The following SUGCT variants were observed in gnomAD, a reference collection of about 807,000 sequenced individuals.
The protein encoded by SUGCT is succinyl-CoA:glutarate CoA-transferase.
SUGCT carries 41 observed loss-of-function variants against 55.0 expected under a neutral mutation model. The ratio of observed to expected loss-of-function variants is 0.74; its 90% CI spans 0.58 to 0.97. The LOEUF is 0.97. Ranked by LOEUF, SUGCT falls within the 50% of genes least tolerant of loss-of-function variation. SUGCT has a pLI of 0.00. For missense variants in SUGCT, 568 were observed against 547.8 expected (o/e 1.04, Z -0.37); for synonymous variants, 187 against 200.4 (o/e 0.93, Z 0.56).
At chr7:40,247,062 C>T (rs992043414) in intron 7 of SUGCT, among the ~76,000 whole-genome samples, 2 of 152,102 alleles carry the variant, frequency 1.3e-5, no homozygotes, top group African/African-American at 4.8e-5. Context: ...TAAAACTGAA[C>T]TCTCTTCTGA....
intron 7 of SUGCT, among the ~76,000 whole-genome samples, chr7:40,239,956 G>A (rs1468416100): frequency 1.3e-5 from 2 of 152,130 alleles, no homozygotes; most frequent in Non-Finnish European, 2.9e-5. Flanking sequence ...GGTGGTAGGC[G>A]CTGGAGATTA....
At chr7:40,635,512 T>C (rs1212373656) in intron 12 of SUGCT, among the ~76,000 whole-genome samples, 1 of 152,174 alleles carries the variant, frequency 6.6e-6, no homozygotes, top group Non-Finnish European at 1.5e-5. Context: ...TCATGAGTTA[T>C]CAGCCAGAAA....
At chr7:40,789,422 C>T (rs1790197784) in intron 13 of SUGCT, among the ~76,000 whole-genome samples, 1 of 152,146 alleles carries the variant, frequency 6.6e-6, no homozygotes, top group African/African-American at 2.4e-5. Flanking sequence ...ATCCATATGG[C>T]ATGGATTTTC....
intron 1 of SUGCT, among the ~76,000 whole-genome samples, chr7:40,179,347 G>A (rs570108615): frequency 2.6e-5 from 4 of 151,726 alleles, no homozygotes; most frequent in Non-Finnish European, 5.9e-5. Context: ...AGGCTGGAGT[G>A]CAATGGCGCC....
intron 1 of SUGCT, among the ~76,000 whole-genome samples, chr7:40,156,408 A>G (rs1288593859): frequency 1.3e-5 from 2 of 152,108 alleles, no homozygotes; most frequent in African/African-American, 4.8e-5. Flanking sequence ...GCTTGCAGTG[A>G]ACCGAGATCA....
chr7:40,998,665 A>G, the SUGCT span, among the ~76,000 whole-genome samples: 1 of 152,212 alleles, frequency 6.6e-6, no homozygotes, highest in East Asian at 1.9e-4. Flanking sequence ...GGTAAAGCCT[A>G]GAGTATTGGT....
At chr7:40,532,403 T>TA (rs1456375943) in intron 12 of SUGCT, among the ~76,000 whole-genome samples, 1 of 152,144 alleles carries the variant, frequency 6.6e-6, no homozygotes, top group Non-Finnish European at 1.5e-5. Flanking sequence ...AAGCATTAGA[T>TA]AGGTATCTGT....
Position 40,860,443 on chromosome 7 carries a change from C to T in SUGCT, c.1281C>T (p.Leu427=), listed in dbSNP as rs760673817. Residue 427 remains leucine, a synonymous_variant, in exon 14 of 14, where the codon CTC becomes CTT. Transcript: ENST00000335693. ...RYDDRAIGEL[L]SAGVVDQHET... ...ATGACAGGGCCATCGGGGAGCTGCT[C>T]AGCGCTGGAGTGGTGGACCAACATG... 2.2e-5 allele frequency: 35 copies of T among 1,613,800 alleles called. No homozygotes were observed. The South Asian group carries it at 3.0e-4, about 14-fold the overall frequency.
At chr7:40,375,197 C>T (rs1368101653) in intron 9 of SUGCT, among the ~76,000 whole-genome samples, 1 of 152,174 alleles carries the variant, frequency 6.6e-6, no homozygotes, top group African/African-American at 2.4e-5. Flanking sequence ...GCTGTGAATA[C>T]TGGCTGATGT....
intron 12 of SUGCT, among the ~76,000 whole-genome samples, chr7:40,663,620 G>C (rs576320102): frequency 6.6e-6 from 1 of 151,848 alleles, no homozygotes; most frequent in Non-Finnish European, 1.5e-5. Flanking sequence ...AATCCATCCC[G>C]TAGGCATGAC....
At chr7:40,960,973 A>G in the SUGCT span, among the ~76,000 whole-genome samples, 311 of 152,322 alleles carry the variant, frequency 2.0e-3, 1 homozygote, top group Admixed American at 3.3e-3. Flanking sequence ...TACCACAAGG[A>G]TTTTTGAAGT....
intron 9 of SUGCT, among the ~76,000 whole-genome samples, chr7:40,358,371 TC>T (rs2151215164): frequency 6.6e-6 from 1 of 152,244 alleles, no homozygotes; most frequent in East Asian, 1.9e-4. Flanking sequence ...AACACAACTC[TC>T]TATAGGCTAT....
At chr7:40,210,682 G>T (rs1456238593) in intron 6 of SUGCT, among the ~76,000 whole-genome samples, 1 of 152,082 alleles carries the variant, frequency 6.6e-6, no homozygotes, top group Non-Finnish European at 1.5e-5. Flanking sequence ...TATTCCTGAC[G>T]CATGTGGCCC....
intron 6 of SUGCT, among the ~76,000 whole-genome samples, chr7:40,213,204 C>T (rs1019986187): frequency 6.6e-6 from 1 of 152,150 alleles, no homozygotes; most frequent in African/African-American, 2.4e-5. Flanking sequence ...CACTTAATGT[C>T]CTTTTCTGTC....
chr7:40,747,805 T>A (rs1290147213), intron 12 of SUGCT, among the ~76,000 whole-genome samples: 1 of 152,162 alleles, frequency 6.6e-6, no homozygotes, highest in Non-Finnish European at 1.5e-5. Context: ...AATAAAAAAA[T>A]GTGTTGCATT....
intron 9 of SUGCT, among the ~76,000 whole-genome samples, chr7:40,335,315 T>C (rs1336990479): frequency 2.0e-5 from 3 of 151,960 alleles, no homozygotes; most frequent in African/African-American, 4.8e-5. Flanking sequence ...GGGGATGGCA[T>C]TGAATCTATA....
At chr7:40,853,770 T>C (rs1213656574) in intron 13 of SUGCT, among the ~76,000 whole-genome samples, 1 of 152,210 alleles carries the variant, frequency 6.6e-6, no homozygotes, top group Non-Finnish European at 1.5e-5. Context: ...ATGAGAGCTA[T>C]AATAATTTCT....
At chr7:40,952,616 G>T in the SUGCT span, among the ~76,000 whole-genome samples, 14 of 152,122 alleles carry the variant, frequency 9.2e-5, no homozygotes, top group East Asian at 1.9e-4. Context: ...CATGTTTAGT[G>T]CTTCCTTCAG....
chr7:40,325,825 A>G (rs980738049), intron 9 of SUGCT, among the ~76,000 whole-genome samples: 3 of 151,982 alleles, frequency 2.0e-5, no homozygotes, highest in African/African-American at 7.2e-5. Context: ...AAAACAAACA[A>G]CAACAACAAA....
Sources: gnomAD v4.1 joint callset for allele counts (sites outside exome capture counted in the v4.1 genomes callset) on GRCh38, gnomAD v4.1.1 for gene constraint, MANE v1.5 for transcripts, NCBI Gene and HGNC (gene_info 2026-07-23, HGNC 2026-07-21) for gene names.